Variants in PSMD3 observed in about 807,000 individuals in gnomAD.
The protein encoded by PSMD3 is proteasome 26S subunit, non-ATPase 3.
In PSMD3, 5 loss-of-function variants were observed where a neutral mutation model predicts 62.8. The ratio of observed to expected loss-of-function variants is 0.08; its 90% CI spans 0.04 to 0.17. The LOEUF (loss-of-function observed/expected upper bound fraction) is 0.17, where lower values mean the gene tolerates loss of function less well. Ranked by LOEUF, PSMD3 falls within the 10% of genes least tolerant of loss-of-function variation. The pLI is 1.00. For synonymous variants in PSMD3, 265 were observed against 283.9 expected, an observed-to-expected ratio of 0.93 and a Z score of 0.67; for missense variants, 524 against 713.6, an observed-to-expected ratio of 0.73 and a Z score of 3.03.
At chr17:39,984,891 C>A (rs972351823) in intron 2 of PSMD3, among the ~76,000 whole-genome samples, 2 of 152,028 alleles carry the variant, frequency 1.3e-5, no homozygotes, top group Non-Finnish European at 2.9e-5. Context: ...GTGGCTCACA[C>A]CTGTCTTCCC....
At chr17:39,987,915 G>A (rs575216685) in intron 3 of PSMD3, among the ~76,000 whole-genome samples, 121 of 152,300 alleles carry the variant, frequency 7.9e-4, no homozygotes, top group African/African-American at 2.8e-3. Context: ...AGACCATCCT[G>A]GCCAACATGG....
intron 6 of PSMD3, among the ~76,000 whole-genome samples, chr17:39,990,760 A>G (rs751404187): frequency 1.3e-5 from 2 of 152,176 alleles, no homozygotes; most frequent in Non-Finnish European, 2.9e-5. Context: ...TGTTGATACA[A>G]ACCCCAGGTT....
chr17:39,987,604 T>TC (rs1246430661), intron 3 of PSMD3, among the ~76,000 whole-genome samples: 3 of 152,180 alleles, frequency 2.0e-5, no homozygotes, highest in Non-Finnish European at 4.4e-5. Flanking sequence ...GGGCTCAGCC[T>TC]CCCAAAGTGT....
In PSMD3 at chr17:39,980,991, G is replaced by T. The variant is rs1487305641; in HGVS notation, c.21G>T (p.Ala7=). Residue 7 remains alanine, a synonymous_variant, in exon 1 of 12, where the codon GCG becomes GCT. Transcript: ENST00000264639. ...GTGCCATGAAGCAGGAGGGCTCGGC[G>T]CGGCGCCGCGGCGCGGACAAGGCGA... The part of the protein sequence containing the change: MKQEGS[A]RRRGADKAKP... 1.9e-6 allele frequency: 3 copies of T among 1,545,794 alleles called. No homozygotes were observed. In the African/African-American group the frequency reaches 4.1e-5, roughly 21 times the overall value.
chr17:39,985,396 G>C (rs1220515180), intron 2 of PSMD3, among the ~76,000 whole-genome samples: 2 of 152,196 alleles, frequency 1.3e-5, no homozygotes, highest in African/African-American at 4.8e-5. Context: ...GCAGTATAAA[G>C]CTCCTAGAGC....
chr17:39,981,058 C>T lies in PSMD3; in HGVS notation c.88C>T (p.Pro30Ser). 1.3e-6 allele frequency: 2 copies of T among 1,549,984 alleles called. No individual in the cohort carries two copies. The highest frequency in any genetic ancestry group is 2.4e-5 in the East Asian group (1 of 40,938). Residue 30 changes from proline (P) to serine (S), a missense_variant, in exon 1 of 12, where the codon CCG (proline) becomes TCG (serine). Coordinates refer to ENST00000264639, the MANE Select transcript of PSMD3 (RefSeq NM_002809.4). ...AGGAGAACAAGAACCCCCACCGCCG[C>T]CGGCCCCCCAGGATGTGGAGATGAA... Reference protein sequence around the residue: ...GGGEQEPPPPPAPQDVEMKEE... With the variant: ...GGGEQEPPPPSAPQDVEMKEE...
intron 2 of PSMD3, 88 bp downstream of exon 2, chr17:39,984,572 A>G: frequency 3.8e-6 from 5 of 1,300,052 alleles, no homozygotes; most frequent in Non-Finnish European, 5.3e-6. Flanking sequence ...GTCCCATCTT[A>G]TTACCTGTGG....
At chr17:39,983,056 G>A (rs575105105) in intron 1 of PSMD3, among the ~76,000 whole-genome samples, 19 of 149,890 alleles carry the variant, frequency 1.3e-4, no homozygotes, top group African/African-American at 4.7e-4. Context: ...TTTTTGAGAC[G>A]GAGTCTCGCT....
chr17:39,989,213 C>T (rs901052924), intron 4 of PSMD3, among the ~76,000 whole-genome samples: 14 of 152,226 alleles, frequency 9.2e-5, no homozygotes, highest in Non-Finnish European at 1.6e-4. Flanking sequence ...CCATTTTGAC[C>T]TCCCAGACTT....
At chr17:39,994,770 CCA>C in intron 6 of PSMD3, 182 bp from the exon 7 acceptor site, 1 of 608,490 alleles carries the variant, frequency 1.6e-6, no homozygotes, top group South Asian at 2.0e-5. Flanking sequence ...GCACCCGGCT[CCA>C]AAGGCAGAGC....
In PSMD3 at chr17:39,988,718, C is replaced by A. The variant is rs1360388063; in HGVS notation, c.585C>A (p.Ile195=). The A allele has an allele frequency of 1.9e-6, 3 of 1,614,194 alleles. No homozygotes were observed. The highest frequency in any genetic ancestry group is 3.3e-5 in the Admixed American group (2 of 60,020). The change falls in exon 4 of 12, where the codon ATC becomes ATA. Residue 195 remains isoleucine (I), a synonymous_variant. Coordinates refer to ENST00000264639, the MANE Select transcript of PSMD3 (RefSeq NM_002809.4). ...QKISDDLMQK[I]STQNRRALDL... is the part of the protein sequence containing the mutation. Reference sequence around the variant, plus strand: ...TCTCTGATGATCTGATGCAGAAGATCAGTACTCAGAACCGCCGGGCCCTAG... The same window carrying A: ...TCTCTGATGATCTGATGCAGAAGATAAGTACTCAGAACCGCCGGGCCCTAG...
At chr17:39,983,502 A>G (rs940777006) in intron 1 of PSMD3, among the ~76,000 whole-genome samples, 1 of 152,130 alleles carries the variant, frequency 6.6e-6, no homozygotes, top group Non-Finnish European at 1.5e-5. Flanking sequence ...ATACCATTAT[A>G]TCTCTTAACC....
intron 1 of PSMD3, among the ~76,000 whole-genome samples, chr17:39,982,029 T>C (rs569802685): frequency 6.6e-6 from 1 of 152,364 alleles, no homozygotes; most frequent in Admixed American, 6.5e-5. Context: ...GGTGCCATTT[T>C]CCTGGTTCTG....
At chr17:39,988,892 G>A in intron 4 of PSMD3, 73 bp downstream of exon 4, 1 of 1,567,006 alleles carries the variant, frequency 6.4e-7, no homozygotes, top group Non-Finnish European at 8.7e-7. Flanking sequence ...ACACAGCTGT[G>A]GATCTGCAGA....
At chr17:39,985,590 C>T (rs528430864) in intron 2 of PSMD3, among the ~76,000 whole-genome samples, 1 of 152,230 alleles carries the variant, frequency 6.6e-6, no homozygotes, top group African/African-American at 2.4e-5. Context: ...TCCTTAAAAT[C>T]CTGTATACTC....
chr17:39,984,050 T>C (rs960071598), intron 1 of PSMD3, among the ~76,000 whole-genome samples: 1 of 151,544 alleles, frequency 6.6e-6, no homozygotes, highest in Non-Finnish European at 1.5e-5. Flanking sequence ...ATACAAAAAA[T>C]TTAGCCAGGC....
chr17:39,982,224 T>G (rs1474111229), intron 1 of PSMD3, among the ~76,000 whole-genome samples: 3 of 152,242 alleles, frequency 2.0e-5, no homozygotes, highest in Admixed American at 6.5e-5. Flanking sequence ...ATAGAGATCC[T>G]TTTACCTAAA....
Position 39,995,712 on chromosome 17 carries a change from A to T in PSMD3, c.1320+185A>T, listed in dbSNP as rs1980766375. ...CAGAGAGAGCATGGATGTGCATGTG[A>T]GTGTGTGAGTGTAGGTGTGTGCACA... On this transcript the variant is annotated intron_variant, in intron 9 of 11. Coordinates refer to ENST00000264639, the MANE Select transcript of PSMD3 (RefSeq NM_002809.4). The surrounding 1 kb of genome is among the most constrained non-coding windows in gnomAD (Gnocchi z 4.1). The T allele has an allele frequency of 3.2e-6, 2 of 629,258 alleles. No individual in the cohort carries two copies. The highest frequency in any genetic ancestry group is 1.8e-5 in the African/African-American group (1 of 54,856). 39.0% of individuals were successfully genotyped at this position (629,258 alleles called of 1,614,324 possible).
Position 39,997,346 on chromosome 17 carries a change from C to T in PSMD3, c.1493C>T (p.Pro498Leu). 6.2e-7 allele frequency: 1 copy of T among 1,614,184 alleles called. No individual in the cohort carries two copies. The highest frequency in any genetic ancestry group is 8.5e-7 in the Non-Finnish European group (1 of 1,180,036). The change falls in exon 11 of 12, where the codon CCC becomes CTC. Residue 498 changes from proline to leucine, a missense_variant. Physicochemically the swap from Pro to Leu is moderately conservative, Grantham distance 98. Transcript: ENST00000264639. ...NMSVKAMRFPPKSYNKDLESA... is the reference protein window; with the variant it reads ...NMSVKAMRFPLKSYNKDLESA... ...GTGCCCCAGGCCATGAGGTTTCCTC[C>T]CAAATCGTACAACAAGGACTTGGAG...
Sources: gnomAD v4.1 joint callset for allele counts (sites outside exome capture counted in the v4.1 genomes callset) on GRCh38, gnomAD v4.1.1 for gene constraint, Gnocchi (gnomAD v3.1) non-coding constraint, MANE v1.5 for transcripts, NCBI Gene and HGNC (gene_info 2026-07-23, HGNC 2026-07-21) for gene names.